ATP13A1: variants seen among roughly 807,000 people sequenced by gnomAD.
ATP13A1 encodes the protein endoplasmic reticulum transmembrane helix translocase.
In ATP13A1, 55 loss-of-function variants were observed where a neutral mutation model predicts 134.8. That is an observed-to-expected ratio of 0.41 (90% CI 0.33 to 0.51). The LOEUF is 0.51. ATP13A1 is among the 20% of genes least tolerant of loss of function. The pLI, the probability that ATP13A1 is intolerant of heterozygous loss-of-function variation, is 0.29. For missense variants in ATP13A1, 1,389 were observed against 1,652.8 expected, an observed-to-expected ratio of 0.84 and a Z score of 2.77; for synonymous variants, 775 against 725.1, an observed-to-expected ratio of 1.07 and a Z score of -1.10.
intron 19 of ATP13A1, among the ~76,000 whole-genome samples, 167 bp downstream of exon 19, chr19:19,649,400 C>T (rs1281027423): frequency 2.0e-5 from 3 of 152,314 alleles, no homozygotes; most frequent in South Asian, 2.1e-4. Flanking sequence ...CTGGGATATT[C>T]GCATCCCTTC....
Position 19,656,648 on chromosome 19 carries a change from TCCA to T in ATP13A1, c.1083+9_1083+11del. The T allele has an allele frequency of 1.2e-6, 2 of 1,611,614 alleles. No homozygotes were observed. Among genetic ancestry groups the T allele is most frequent in the Non-Finnish European group, 1.7e-6 (2 of 1,178,802 alleles). ...CTGAACAGCTTGAGGATCCCCATCC[TCCA>T]CCAAGTACCTTCATCTGTGGCACGG... On this transcript the variant is annotated intron_variant, in intron 7 of 25. Transcript: ENST00000357324. The surrounding 1 kb of genome is among the most constrained non-coding windows in gnomAD (Gnocchi z 4.6).
intron 16 of ATP13A1, 55 bp downstream of exon 16, chr19:19,652,540 C>T: frequency 1.9e-6 from 3 of 1,559,398 alleles, no homozygotes; most frequent in Non-Finnish European, 2.6e-6. Context: ...CTGTAATTGT[C>T]ATCTCCTCGC....
rs766283740 is a variant in ATP13A1, at chr19:19,649,796, A to G, written c.2480T>C (p.Leu827Pro). The change falls in exon 18 of 26, where the codon CTG (leucine) becomes CCG (proline). Residue 827 changes from leucine (L) to proline (P), a missense_variant. Leu to Pro is a moderately conservative substitution (Grantham distance 98, BLOSUM62 -3). Coordinates refer to ENST00000357324, the MANE Select transcript of ATP13A1 (RefSeq NM_020410.3). ...AHLQATDPQQLLRLIPHVQVF... is the reference protein window; with the variant it reads ...AHLQATDPQQPLRLIPHVQVF... Reference sequence around the variant, plus strand: ...CTGCACATGGGGGATGAGGCGGAGCAGCTGCTGGGGGTCGGTGGCCTGCAG... The same window carrying G: ...CTGCACATGGGGGATGAGGCGGAGCGGCTGCTGGGGGTCGGTGGCCTGCAG... 231 of 1,601,614 alleles carry G rather than the reference A, an allele frequency of 1.4e-4. No homozygotes were observed. Among genetic ancestry groups the G allele is most frequent in the Non-Finnish European group, 1.9e-4 (223 of 1,176,138 alleles).
intron 1 of ATP13A1, 91 bp downstream of exon 1, chr19:19,663,180 G>C: frequency 1.3e-6 from 2 of 1,527,024 alleles, no homozygotes; most frequent in Non-Finnish European, 1.8e-6. Flanking sequence ...GAGTGGCCCA[G>C]GTCGCGATGG....
intron 3 of ATP13A1, among the ~76,000 whole-genome samples, chr19:19,658,660 G>A (rs1311556678): frequency 1.3e-5 from 2 of 152,212 alleles, no homozygotes; most frequent in Non-Finnish European, 2.9e-5. Flanking sequence ...TCCCAGCCAC[G>A]TGTCAGCATT....
chr19:19,647,812 G>C lies in ATP13A1; in HGVS notation c.2633-53C>G, dbSNP rs949293190. 6 of 1,524,946 alleles carry C rather than the reference G, an allele frequency of 3.9e-6. No individual in the cohort carries two copies. The African/African-American group carries it at 6.8e-5, about 17-fold the overall frequency. The allele number at this position is 1,524,946 out of a possible 1,614,324, so 94.5% of individuals were successfully genotyped here. A position where few individuals can be genotyped will look rare whatever the true frequency, so the allele number is the denominator to read the frequency against. ...GAGGAGCAGGCTCCACGGAGGGGAA[G>C]ATTGCTGGCTTCAGAGCCACTGGTC... On this transcript the variant is annotated intron_variant, in intron 19 of 25. Transcript: ENST00000357324. This position sits in a 1 kb window ranked among gnomAD's most constrained non-coding sequence, Gnocchi z 4.8.
rs1052855950 is a variant in ATP13A1, at chr19:19,649,667, T to A, written c.2536-4A>T. 1.9e-6 allele frequency: 3 copies of A among 1,613,736 alleles called. No homozygotes were observed. The African/African-American group carries it at 4.0e-5, about 22-fold the overall frequency. ...TCAGGCTGGTGATGACAAACTCCTG[T>A]ATGGGCGGAGACAGGCTGAGCAGGG... On this transcript the variant is annotated splice_region_variant and splice_polypyrimidine_tract_variant and intron_variant, in intron 18 of 25. Transcript: ENST00000357324.
intron 19 of ATP13A1, 55 bp downstream of exon 19, chr19:19,649,512 G>T: frequency 6.4e-7 from 1 of 1,555,120 alleles, no homozygotes; most frequent in Admixed American, 1.8e-5. Flanking sequence ...CTAGCTCAGT[G>T]ACATGTCCTC....
intron 19 of ATP13A1, 27 bp downstream of exon 19, chr19:19,649,540 C>T (rs571293358): frequency 3.5e-5 from 56 of 1,607,220 alleles, no homozygotes; most frequent in Middle Eastern, 1.7e-4. Context: ...CGTCCACAAA[C>T]GAAATACCCT....
intron 1 of ATP13A1, chr19:19,662,379 C>G: frequency 1.0e-6 from 1 of 984,684 alleles, no homozygotes; most frequent in Non-Finnish European, 1.2e-6. Context: ...GGGCTTCTGT[C>G]TTTCTGTAGC....
rs760515910 is a variant in ATP13A1, at chr19:19,645,897, C to T, written c.3337G>A (p.Ala1113Thr). The change falls in exon 24 of 26, where the codon GCC (alanine) becomes ACC (threonine). Residue 1113 changes from alanine to threonine, a missense_variant. Physicochemically the swap from Ala to Thr is moderately conservative, Grantham distance 58. Around this residue, in one of 4 missense-constraint regions of ATP13A1, gnomAD observed 228 missense variants for 321.0 expected, o/e 0.71. Transcript: ENST00000357324. This position sits in a 1 kb window ranked among gnomAD's most constrained non-coding sequence, Gnocchi z 4.1. ...ACTTTGTAATTGATGGCGAAGGTGGCCATCTGCATGGCCATGGCCATGATG... is the reference window on the plus strand; with the variant it reads ...ACTTTGTAATTGATGGCGAAGGTGGTCATCTGCATGGCCATGGCCATGATG... The part of the protein sequence containing the change: ...VYIMAMAMQM[A>T]TFAINYKGPP... 1 of 1,613,928 alleles carries T rather than the reference C, an allele frequency of 6.2e-7. No homozygotes were observed. The highest frequency in any genetic ancestry group is 1.7e-5 in the Admixed American group (1 of 60,026).
At position 19,654,776 on chromosome 19, in the gene ATP13A1, C is replaced by A. The variant is rs555368601; in HGVS notation, c.1656-76G>T. 7,065 of 1,498,422 alleles carry A rather than the reference C, an allele frequency of 4.7e-3. 18 individuals are homozygous for A. Among genetic ancestry groups the A allele is most frequent in the Middle Eastern group, 5.7e-3 (32 of 5,634 alleles). The allele number at this position is 1,498,422 out of a possible 1,614,324, so 92.8% of individuals were successfully genotyped here. On this transcript the variant is annotated intron_variant, in intron 12 of 25. Transcript: ENST00000357324. ...GCTGCATCCCCACCAGCAGAAGGAC[C>A]CCCAAGGCCATTCATTCCGTGCTTG...
In ATP13A1 at chr19:19,663,611, C is replaced by G. The variant is rs1188986084; in HGVS notation, c.56G>C (p.Gly19Ala). The part of the protein sequence containing the change: ...NAVPCGARPC[G>A]VRPDGQPKPG... ...CTTGGGCTGCCCGTCAGGCCGGACCCCGCAAGGCCGGGCCCCGCAGGGCAC... is the reference window on the plus strand; with the variant it reads ...CTTGGGCTGCCCGTCAGGCCGGACCGCGCAAGGCCGGGCCCCGCAGGGCAC... Residue 19 changes from glycine to alanine, a missense_variant, in exon 1 of 26, where the codon GGG (glycine) becomes GCG (alanine). Transcript: ENST00000357324. The G allele has an allele frequency of 7.2e-7, 1 of 1,389,316 alleles. No homozygotes were observed. Among genetic ancestry groups the G allele is most frequent in the Admixed American group, 3.5e-5 (1 of 28,240 alleles). The allele number at this position is 1,389,316 out of a possible 1,614,324, so 86.1% of individuals were successfully genotyped here.
chr19:19,661,779 G>C (rs2062096207), intron 1 of ATP13A1, among the ~76,000 whole-genome samples: 1 of 152,168 alleles, frequency 6.6e-6, no homozygotes. Context: ...GAGATGGGGG[G>C]AGCACAATGA....
Position 19,653,938 on chromosome 19 carries a change from C to A in ATP13A1, c.1989+31G>T. 6.3e-7 allele frequency: 1 copy of A among 1,577,632 alleles called. No individual in the cohort carries two copies. The highest frequency in any genetic ancestry group is 1.2e-5 in the South Asian group (1 of 86,248). Reference sequence around the variant, plus strand: ...GATGTCACGGGCTGCCCCGCGCCCCCACCCCTTGCCCCAGGCTGGGGCCAG... The same window carrying A: ...GATGTCACGGGCTGCCCCGCGCCCCAACCCCTTGCCCCAGGCTGGGGCCAG... On this transcript the variant is annotated intron_variant, in intron 14 of 25. Coordinates refer to ENST00000357324, the MANE Select transcript of ATP13A1 (RefSeq NM_020410.3). The surrounding 1 kb of genome is among the most constrained non-coding windows in gnomAD (Gnocchi z 4.2).
At chr19:19,652,220 C>T (rs2062028831) in intron 16 of ATP13A1, among the ~76,000 whole-genome samples, 1 of 152,100 alleles carries the variant, frequency 6.6e-6, no homozygotes, top group African/African-American at 2.4e-5. Flanking sequence ...TAAAAGACAC[C>T]CTAAGTCCCA....
Position 19,653,017 on chromosome 19 carries a change from A to G in ATP13A1, c.2101-297T>C. 2.6e-6 allele frequency: 1 copy of G among 390,540 alleles called. No homozygotes were observed. The highest frequency in any genetic ancestry group is 4.7e-6 in the Non-Finnish European group (1 of 212,668). The allele number at this position is 390,540 out of a possible 1,614,324, so 24.2% of individuals were successfully genotyped here. A position where few individuals can be genotyped will look rare whatever the true frequency, so the allele number is the denominator to read the frequency against. On this transcript the variant is annotated intron_variant, in intron 15 of 25. Transcript: ENST00000357324. The surrounding 1 kb of genome is among the most constrained non-coding windows in gnomAD (Gnocchi z 4.2). ...GGCTCAGCTTCCAAGTCAATGAAGT[A>G]GGGACTCTCCCAATAATGTTGGAGT... is the stretch of plus-strand genomic sequence containing the variant.
At chr19:19,663,134 G>C (rs1418562245) in intron 1 of ATP13A1, 137 bp downstream of exon 1, 1 of 1,287,820 alleles carries the variant, frequency 7.8e-7, no homozygotes, top group Non-Finnish European at 1.1e-6. Context: ...GCGCCAAAGT[G>C]TAGAGGGTGC....
At chr19:19,650,892 G>A (rs1356792808) in intron 17 of ATP13A1, 1 of 152,304 alleles carries the variant, frequency 6.6e-6, no homozygotes, top group South Asian at 2.1e-4. Flanking sequence ...CTAGCTCTGG[G>A]GCAGGTATCT....
Sources: allele counts gnomAD v4.1 joint callset (sites outside exome capture counted in the v4.1 genomes callset), GRCh38; gene constraint gnomAD v4.1.1; regional missense constraint gnomAD v4.1.1; non-coding constraint Gnocchi (gnomAD v3.1); transcripts MANE v1.5; gene names NCBI Gene and HGNC (gene_info 2026-07-23, HGNC 2026-07-21).